RAB32: variants seen among roughly 807,000 people sequenced by gnomAD.
RAB32 encodes RAB32, member RAS oncogene family, also known as ras-related protein Rab-32.
A neutral mutation model predicts 17.5 loss-of-function variants in RAB32; 17 were observed. The ratio of observed to expected loss-of-function variants is 0.97; its 90% CI spans 0.67 to 1.46. The LOEUF (loss-of-function observed/expected upper bound fraction) is 1.46, where lower values mean the gene tolerates loss of function less well. Among genes scored for constraint, RAB32 ranks in the 40% most tolerant of loss-of-function variants. The pLI is 0.00. For missense variants in RAB32, 288 were observed against 284.3 expected (o/e 1.01, Z -0.09); for synonymous variants, 115 against 111.1 (o/e 1.04, Z -0.22).
chr6:146,552,992 A>G (rs1779915303), intron 2 of RAB32, among the ~76,000 whole-genome samples: 1 of 152,252 alleles, frequency 6.6e-6, no homozygotes, highest in African/African-American at 2.4e-5. Context: ...CTTATAGAGT[A>G]AACTAATAAT....
At chr6:146,553,782 G>A (rs1281475314) in intron 2 of RAB32, among the ~76,000 whole-genome samples, 1 of 152,064 alleles carries the variant, frequency 6.6e-6, no homozygotes, top group Non-Finnish European at 1.5e-5. Context: ...TTTTTGCAAT[G>A]TTTTTGTAAA....
chr6:146,549,795 T>C, intron 2 of RAB32, 54 bp downstream of exon 2: 1 of 1,544,390 alleles, frequency 6.5e-7, no homozygotes, highest in South Asian at 1.2e-5. Context: ...AATTCTGAGC[T>C]GTAAATGTAA....
intron 2 of RAB32, among the ~76,000 whole-genome samples, chr6:146,551,967 C>G (rs1250060283): frequency 6.6e-6 from 1 of 152,140 alleles, no homozygotes; most frequent in African/African-American, 2.4e-5. Flanking sequence ...GGTTAAAAAT[C>G]TTAGAGTTAA....
intron 1 of RAB32, among the ~76,000 whole-genome samples, chr6:146,546,784 T>G (rs910067636): frequency 1.4e-5 from 2 of 143,206 alleles, no homozygotes; most frequent in Non-Finnish European, 3.1e-5. Flanking sequence ...CTAGTTAGGT[T>G]TTTTTTTTTT....
intron 2 of RAB32, among the ~76,000 whole-genome samples, chr6:146,550,656 C>CAAA (rs11399832): frequency 7.9e-6 from 1 of 127,340 alleles, no homozygotes. Context: ...GACCCCATCT[C>CAAA]AAAAAAAAAA....
At chr6:146,553,816 A>T (rs1779925390) in intron 2 of RAB32, among the ~76,000 whole-genome samples, 1 of 152,246 alleles carries the variant, frequency 6.6e-6, no homozygotes, top group Non-Finnish European at 1.5e-5. Context: ...AAAAATGAAC[A>T]GTTAAATATA....
At chr6:146,544,255 A>AGGGCGAGATGCGAT (rs1779792438) in intron 1 of RAB32, 134 bp downstream of exon 1, 1 of 1,200,646 alleles carries the variant, frequency 8.3e-7, no homozygotes, top group Non-Finnish European at 1.1e-6. Context: ...GCCCAATCCA[A>AGGGCGAGATGCGAT]GGGCGAGATG....
Position 146,554,471 on chromosome 6 carries a change from G to A in RAB32, c.544G>A (p.Glu182Lys). 1 of 1,609,256 alleles carries A rather than the reference G, an allele frequency of 6.2e-7. No individual in the cohort carries two copies. The highest frequency in any genetic ancestry group is 8.5e-7 in the Non-Finnish European group (1 of 1,178,612). Reference protein sequence around the residue: ...ETSAKDNINIEEAARFLVEKI... With the variant: ...ETSAKDNINIKEAARFLVEKI... Reference sequence around the variant, plus strand: ...TGCATTACAGGATAACATAAACATAGAGGAAGCTGCCCGGTTCCTAGTGGA... The same window carrying A: ...TGCATTACAGGATAACATAAACATAAAGGAAGCTGCCCGGTTCCTAGTGGA... Residue 182 changes from glutamate (E) to lysine (K), a missense_variant, in exon 3 of 3, where the codon GAG becomes AAG. By Grantham distance (56) the Glu-to-Lys change is moderately conservative (BLOSUM62 1). Transcript: ENST00000367495.
rs1379107467 is a variant in RAB32 at position 146,543,967 on chromosome 6, C to A, written c.96C>A (p.Gly32=). ...REHLFKVLVI[G]ELGVGKTSII... is the part of the protein sequence containing the mutation. ...ACCTCTTCAAGGTGCTGGTGATCGG[C>A]GAGCTTGGCGTGGGCAAGACCAGCA... is the stretch of plus-strand genomic sequence containing the variant. The change falls in exon 1 of 3, where the codon GGC becomes GGA. Residue 32 remains glycine, a synonymous_variant. Coordinates refer to ENST00000367495, the MANE Select transcript of RAB32 (RefSeq NM_006834.5). The A allele has an allele frequency of 6.2e-7, 1 of 1,613,430 alleles. No homozygotes were observed. The highest frequency in any genetic ancestry group is 8.5e-7 in the Non-Finnish European group (1 of 1,179,828).
Position 146,544,021 on chromosome 6 carries a change from C to G in RAB32, c.150C>G (p.Phe50Leu). ...SIIKRYVHQL[F>L]SQHYRATIGV... Reference sequence around the variant, plus strand: ...TCAAGCGCTACGTCCACCAGCTCTTCTCCCAGCACTACCGGGCCACCATCG... The same window carrying G: ...TCAAGCGCTACGTCCACCAGCTCTTGTCCCAGCACTACCGGGCCACCATCG... The change falls in exon 1 of 3, where the codon TTC (phenylalanine) becomes TTG (leucine). Residue 50 changes from phenylalanine (F) to leucine (L), a missense_variant. Transcript: ENST00000367495. 1 of 1,613,946 alleles carries G rather than the reference C, an allele frequency of 6.2e-7. No individual in the cohort carries two copies. Among genetic ancestry groups the G allele is most frequent in the Non-Finnish European group, 8.5e-7 (1 of 1,179,970 alleles).
In RAB32 at chr6:146,549,746, G is replaced by A. The variant is rs764441357; in HGVS notation, c.528+5G>A. 1 of 1,611,638 alleles carries A rather than the reference G, an allele frequency of 6.2e-7. No homozygotes were observed. The highest frequency in any genetic ancestry group is 1.7e-5 in the Admixed American group (1 of 59,812). ...TGGTTTGAAACCTCTGCAAAGGTGA[G>A]ATCTGCTTTGCTTATGCATCTTTTG... On this transcript the variant is annotated splice_donor_5th_base_variant and intron_variant, in intron 2 of 2. Coordinates refer to ENST00000367495, the MANE Select transcript of RAB32 (RefSeq NM_006834.5).
At chr6:146,554,359 C>A (rs988042693) in intron 2 of RAB32, 97 bp from the exon 3 acceptor site, 4 of 1,284,942 alleles carry the variant, frequency 3.1e-6, no homozygotes, top group Non-Finnish European at 4.2e-6. Context: ...CTTGCTGCCA[C>A]CTCTAACAAA....
rs1562731025 is a variant in RAB32, at chr6:146,549,747, A to G, written c.528+6A>G. ...GGTTTGAAACCTCTGCAAAGGTGAGATCTGCTTTGCTTATGCATCTTTTGC... is the reference window on the plus strand; with the variant it reads ...GGTTTGAAACCTCTGCAAAGGTGAGGTCTGCTTTGCTTATGCATCTTTTGC... On this transcript the variant is annotated splice_donor_region_variant and intron_variant, in intron 2 of 2. Coordinates refer to ENST00000367495, the MANE Select transcript of RAB32 (RefSeq NM_006834.5). 6.2e-7 allele frequency: 1 copy of G among 1,611,758 alleles called. No individual in the cohort carries two copies. The highest frequency in any genetic ancestry group is 8.5e-7 in the Non-Finnish European group (1 of 1,178,424).
At chr6:146,551,141 A>C (rs1359285320) in intron 2 of RAB32, among the ~76,000 whole-genome samples, 1 of 152,216 alleles carries the variant, frequency 6.6e-6, no homozygotes. Context: ...GGGAAAAAAA[A>C]GACTGTCTAC....
At chr6:146,553,350 G>A (rs1184840760) in intron 2 of RAB32, among the ~76,000 whole-genome samples, 1 of 152,184 alleles carries the variant, frequency 6.6e-6, no homozygotes, top group Admixed American at 6.5e-5. Context: ...CTTTTCTGTG[G>A]AGAAACATGG....
chr6:146,544,144 C>A, intron 1 of RAB32, 23 bp downstream of exon 1: 1 of 1,591,954 alleles, frequency 6.3e-7, no homozygotes, highest in African/African-American at 1.3e-5. Flanking sequence ...GCGAGTTTCC[C>A]ACTCCAGAGC....
intron 2 of RAB32, among the ~76,000 whole-genome samples, chr6:146,551,273 T>C (rs1779895158): frequency 6.6e-6 from 1 of 152,214 alleles, no homozygotes; most frequent in Non-Finnish European, 1.5e-5. Context: ...AGGAGTGCTA[T>C]GTGAGCACTT....
Position 146,544,017 on chromosome 6 carries a change from T to C in RAB32, c.146T>C (p.Leu49Pro), listed in dbSNP as rs746265931. ...ATCATCAAGCGCTACGTCCACCAGCTCTTCTCCCAGCACTACCGGGCCACC... is the reference window on the plus strand; with the variant it reads ...ATCATCAAGCGCTACGTCCACCAGCCCTTCTCCCAGCACTACCGGGCCACC... Reference protein sequence around the residue: ...TSIIKRYVHQLFSQHYRATIG... With the variant: ...TSIIKRYVHQPFSQHYRATIG... Residue 49 changes from leucine to proline, a missense_variant, in exon 1 of 3, where the codon CTC becomes CCC. By Grantham distance (98) the Leu-to-Pro change is moderately conservative. Coordinates refer to ENST00000367495, the MANE Select transcript of RAB32 (RefSeq NM_006834.5). 1.1e-5 allele frequency: 18 copies of C among 1,613,776 alleles called. No homozygotes were observed. The highest frequency in any genetic ancestry group is 1.7e-5 in the Admixed American group (1 of 59,998).
chr6:146,545,896 G>A (rs1779813549), intron 1 of RAB32, among the ~76,000 whole-genome samples: 1 of 152,162 alleles, frequency 6.6e-6, no homozygotes, highest in South Asian at 2.1e-4. Context: ...TTGCTTACAA[G>A]GGTGATTGAC....
Sources: allele counts gnomAD v4.1 joint callset (sites outside exome capture counted in the v4.1 genomes callset), GRCh38; gene constraint gnomAD v4.1.1; transcripts MANE v1.5; gene names NCBI Gene and HGNC (gene_info 2026-07-23, HGNC 2026-07-21).